ARAP3: variants seen among roughly 807,000 people sequenced by gnomAD.
The protein encoded by ARAP3 is arf-GAP with Rho-GAP domain, ANK repeat and PH domain-containing protein 3.
A neutral mutation model predicts 169.2 loss-of-function variants in ARAP3; 82 were observed. The observed-to-expected ratio is 0.48, with a 90% CI of 0.41 to 0.58. The LOEUF is 0.58. ARAP3 is among the 20% of genes least tolerant of loss of function. The probability of loss-of-function intolerance (pLI) is 0.00; values close to 1 mark genes in which losing one functional copy is unlikely to be tolerated. For synonymous variants in ARAP3, 791 were observed against 800.3 expected, an observed-to-expected ratio of 0.99 and a Z score of 0.20; for missense variants, 1,764 against 2,018.0, an observed-to-expected ratio of 0.87 and a Z score of 2.41.
At chr5:141,674,886 A>G (rs1596494754) in intron 4 of ARAP3, among the ~76,000 whole-genome samples, 2 of 152,254 alleles carry the variant, frequency 1.3e-5, no homozygotes, top group South Asian at 2.1e-4. Flanking sequence ...CCTCCCTCCC[A>G]CACTTATTCT....
At chr5:141,667,055 G>A (rs908652060) in intron 16 of ARAP3, among the ~76,000 whole-genome samples, 1 of 152,020 alleles carries the variant, frequency 6.6e-6, no homozygotes, top group Non-Finnish European at 1.5e-5. Context: ...GACTACAGGA[G>A]CATGCCATCA....
chr5:141,673,302 C>G (rs2099911690), intron 6 of ARAP3, 99 bp downstream of exon 6: 2 of 1,556,294 alleles, frequency 1.3e-6, no homozygotes, highest in Admixed American at 1.8e-5. Flanking sequence ...GTCACTGCCC[C>G]GCCCACACAC....
intron 25 of ARAP3, among the ~76,000 whole-genome samples, 198 bp from the exon 26 acceptor site, chr5:141,657,044 A>G (rs572374157): frequency 1.8e-4 from 27 of 152,368 alleles, no homozygotes; most frequent in Non-Finnish European, 3.5e-4. Context: ...CAAAGCACAC[A>G]GTCTAGTGAG....
rs554909809 is a variant in ARAP3, at chr5:141,672,825, C to T, written c.1194G>A (p.Thr398=). ...TGTGTCCACGCAGCTCCAGCATGCC[C>T]GTGCGGAGGGGTCGGGGTGGTTGGG... ...RPPQPPRPLR[T]GMLELRGHKA... Residue 398 remains threonine (T), a synonymous_variant, in exon 8 of 33, where the codon ACG becomes ACA. Coordinates refer to ENST00000239440, the MANE Select transcript of ARAP3 (RefSeq NM_022481.6). The surrounding 1 kb of genome is among the most constrained non-coding windows in gnomAD (Gnocchi z 4.9). The T allele has an allele frequency of 1.3e-5, 15 of 1,132,710 alleles. No homozygotes were observed. The highest frequency in any genetic ancestry group is 4.5e-4 in the Middle Eastern group (2 of 4,492). The allele number at this position is 1,132,710 out of a possible 1,614,324, so 70.2% of individuals were successfully genotyped here. A position where few individuals can be genotyped will look rare whatever the true frequency, so the allele number is the denominator to read the frequency against.
intron 4 of ARAP3, among the ~76,000 whole-genome samples, chr5:141,675,286 C>T (rs2099912011): frequency 6.6e-6 from 1 of 152,082 alleles, no homozygotes; most frequent in South Asian, 2.1e-4. Flanking sequence ...GGTTCTCAAC[C>T]TCAACAGCAC....
At chr5:141,656,913 A>T (rs1467927697) in intron 25 of ARAP3, 67 bp from the exon 26 acceptor site, 1 of 1,534,186 alleles carries the variant, frequency 6.5e-7, no homozygotes, top group Non-Finnish European at 8.8e-7. Flanking sequence ...AGCTCTCACC[A>T]GTCATTCATT....
At chr5:141,680,696 T>G (rs1322157840) in intron 1 of ARAP3, 193 bp from the exon 2 acceptor site, 7 of 921,616 alleles carry the variant, frequency 7.6e-6, no homozygotes, top group Non-Finnish European at 7.7e-6. Context: ...GGGACTTCAT[T>G]TGAAGTTAAG....
At chr5:141,666,348 C>A in intron 17 of ARAP3, 76 bp downstream of exon 17, 1 of 1,312,374 alleles carries the variant, frequency 7.6e-7, no homozygotes, top group East Asian at 2.9e-5. Context: ...ATAAGAACCC[C>A]CAAATAATAA....
intron 1 of ARAP3, among the ~76,000 whole-genome samples, chr5:141,681,669 G>C (rs1333381398): frequency 4.6e-5 from 7 of 152,154 alleles, no homozygotes; most frequent in Non-Finnish European, 8.8e-5. Context: ...ACCAGATCTT[G>C]AGTTGTATCT....
chr5:141,671,928 C>T lies in ARAP3; in HGVS notation c.1638G>A (p.Leu546=), dbSNP rs757411417. ...TCTCATTACTCCAGACACTCGTGTCCAGCTTCAGGCTCTGCACCTTGGAGA... is the reference window on the plus strand; with the variant it reads ...TCTCATTACTCCAGACACTCGTGTCTAGCTTCAGGCTCTGCACCTTGGAGA... ...SGISKVQSLK[L]DTSVWSNEIV... is the part of the protein sequence containing the mutation. Residue 546 remains leucine (L), a synonymous_variant, in exon 11 of 33, where the codon CTG becomes CTA. Coordinates refer to ENST00000239440, the MANE Select transcript of ARAP3 (RefSeq NM_022481.6). The surrounding 1 kb of genome is among the most constrained non-coding windows in gnomAD (Gnocchi z 4.9). 1.2e-6 allele frequency: 2 copies of T among 1,614,184 alleles called. No homozygotes were observed. Among genetic ancestry groups the T allele is most frequent in the East Asian group, 4.5e-5 (2 of 44,876 alleles).
intron 4 of ARAP3, among the ~76,000 whole-genome samples, chr5:141,675,710 G>A (rs1267045167): frequency 6.6e-6 from 1 of 150,778 alleles, no homozygotes; most frequent in African/African-American, 2.5e-5. Context: ...GCAACAGAGC[G>A]AGACTCTGTC....
intron 16 of ARAP3, 38 bp downstream of exon 16, chr5:141,669,671 A>T: frequency 6.3e-7 from 1 of 1,587,502 alleles, no homozygotes; most frequent in Non-Finnish European, 8.6e-7. Context: ...GGGACAAGGA[A>T]AGCATGAGAT....
rs1013538934 is a variant in ARAP3, at chr5:141,654,027, G to A, written c.4558C>T (p.Leu1520Phe). 2.5e-6 allele frequency: 4 copies of A among 1,582,968 alleles called. No individual in the cohort carries two copies. The highest frequency in any genetic ancestry group is 1.4e-5 in the African/African-American group (1 of 73,850). ...GGGAAGCCAGGTGTCTGTGTTGGAA[G>A]GCCAGTGGGGCTGGGGGATTGGGGG... ...SSPQSPSPTG[L>F]PTQTPGFPTQ... Residue 1520 changes from leucine (L) to phenylalanine (F), a missense_variant, in exon 33 of 33, where the codon CTT becomes TTT. By Grantham distance (22) the Leu-to-Phe change is conservative (BLOSUM62 0). Around this residue, in one of 3 missense-constraint regions of ARAP3, gnomAD observed 1,112 missense variants for 1,285.7 expected, o/e 0.86. Transcript: ENST00000239440.
chr5:141,671,693 T>C lies in ARAP3; in HGVS notation c.1731A>G (p.Pro577=), dbSNP rs1203597886. 1.9e-6 allele frequency: 3 copies of C among 1,612,756 alleles called. No homozygotes were observed. Among genetic ancestry groups the C allele is most frequent in the Non-Finnish European group, 2.5e-6 (3 of 1,179,328 alleles). ...TCGCATCTGGATGTAGTCCCTCACC[T>C]GGGGGTAGGGTCCCTGCCCAGAAGC... ...ANRFWAGTLP[P]GEGLHPDATP... The change falls in exon 12 of 33, where the codon CCA becomes CCG. Residue 577 remains proline (P), a synonymous_variant. Coordinates refer to ENST00000239440, the MANE Select transcript of ARAP3 (RefSeq NM_022481.6). The surrounding 1 kb of genome is among the most constrained non-coding windows in gnomAD (Gnocchi z 4.9).
intron 14 of ARAP3, 26 bp from the exon 15 acceptor site, chr5:141,670,089 A>G (rs73285857): frequency 0.065 from 102,332 of 1,581,006 alleles, 3,726 homozygotes; most frequent in South Asian, 0.12. Context: ...ATAGTCAGGG[A>G]GCAGCAGACC....
At chr5:141,668,536 C>T (rs896244663) in intron 16 of ARAP3, among the ~76,000 whole-genome samples, 3 of 152,204 alleles carry the variant, frequency 2.0e-5, no homozygotes, top group Non-Finnish European at 4.4e-5. Context: ...TATGGTGTGA[C>T]AGTCTTCACA....
rs376199477 is a variant in ARAP3, at chr5:141,681,621, T to G, written c.-18+552A>C. ...CCTTGTCCCACCCTGTTTTGCTCTC[T>G]GTTATTAAGCTTGTCCTTGACTCAG... On this transcript the variant is annotated intron_variant, in intron 1 of 32. Transcript: ENST00000239440. Among the ~76,000 whole-genome samples the G allele has an allele frequency of 2.2e-4, 34 of 152,316 alleles. No homozygotes were observed. The South Asian group carries it at 3.1e-3, about 14-fold the overall frequency.
intron 21 of ARAP3, 39 bp from the exon 22 acceptor site, chr5:141,659,965 T>C (rs1227907377): frequency 1.3e-6 from 2 of 1,526,352 alleles, no homozygotes; most frequent in East Asian, 5.0e-5. Context: ...GTGTAGCCAC[T>C]CATTCAGCAA....
At chr5:141,659,989 C>G in intron 21 of ARAP3, 63 bp from the exon 22 acceptor site, 3 of 1,502,502 alleles carry the variant, frequency 2.0e-6, no homozygotes, top group Non-Finnish European at 2.7e-6. Flanking sequence ...CTTATTGAGT[C>G]CCTATTGTAT....
Sources: allele counts gnomAD v4.1 joint callset (sites outside exome capture counted in the v4.1 genomes callset), GRCh38; gene constraint gnomAD v4.1.1; regional missense constraint gnomAD v4.1.1; non-coding constraint Gnocchi (gnomAD v3.1); transcripts MANE v1.5; gene names NCBI Gene and HGNC (gene_info 2026-07-23, HGNC 2026-07-21).